The following PXDNL variants were observed in gnomAD, a reference collection of about 807,000 sequenced individuals.
PXDNL encodes the protein probable oxidoreductase PXDNL.
In PXDNL, 145 loss-of-function variants were observed where a neutral mutation model predicts 150.8. The ratio of observed to expected loss-of-function variants is 0.96; its 90% CI spans 0.84 to 1.10. PXDNL has a LOEUF of 1.10. Ranked by LOEUF, PXDNL falls within the 50% of genes least tolerant of loss-of-function variation. The probability of loss-of-function intolerance (pLI) is 0.00; values close to 1 mark genes in which losing one functional copy is unlikely to be tolerated. For synonymous variants in PXDNL, 757 were observed against 725.7 expected (o/e 1.04, Z -0.69); for missense variants, 2,087 against 1,873.9 (o/e 1.11, Z -2.10).
chr8:51,361,158 G>A (rs913486556), intron 19 of PXDNL, among the ~76,000 whole-genome samples: 4 of 152,144 alleles, frequency 2.6e-5, no homozygotes, highest in Non-Finnish European at 4.4e-5. Flanking sequence ...TTAGCTCTCT[G>A]AGTTTGAGCA....
intron 2 of PXDNL, among the ~76,000 whole-genome samples, chr8:51,618,866 G>C (rs759452119): frequency 6.6e-6 from 1 of 152,104 alleles, no homozygotes; most frequent in African/African-American, 2.4e-5. Context: ...AAAAAATGTC[G>C]GTGGTTCTTA....
intron 2 of PXDNL, among the ~76,000 whole-genome samples, chr8:51,648,383 T>C (rs1015866254): frequency 1.3e-5 from 2 of 152,206 alleles, no homozygotes; most frequent in African/African-American, 2.4e-5. Flanking sequence ...CTACAGACAC[T>C]GAATAGAAAG....
In PXDNL at chr8:51,693,380, G is replaced by A. The variant is rs574573762; in HGVS notation, c.165-38620C>T. Among the ~76,000 whole-genome samples the A allele has an allele frequency of 3.9e-5, 6 of 152,344 alleles. No individual in the cohort carries two copies. In the South Asian group the frequency reaches 1.2e-3, roughly 32 times the overall value. Reference sequence around the variant, plus strand: ...GCAATACAAGGTATTTATTTCATGAGAAACACTAGGTTTATGCTCTACATT... The same window carrying A: ...GCAATACAAGGTATTTATTTCATGAAAAACACTAGGTTTATGCTCTACATT... On this transcript the variant is annotated intron_variant, in intron 1 of 22. Transcript: ENST00000356297.
intron 2 of PXDNL, among the ~76,000 whole-genome samples, chr8:51,602,893 T>G (rs1346939244): frequency 6.6e-6 from 1 of 151,680 alleles, no homozygotes; most frequent in African/African-American, 2.4e-5. Context: ...CTTTATGGCT[T>G]TGGATTTTGT....
Position 51,420,492 on chromosome 8 carries a change from G to GA in PXDNL, c.1795+3082_1795+3083insT, listed in dbSNP as rs1808918709. On this transcript the variant is annotated intron_variant, in intron 14 of 22. Coordinates refer to ENST00000356297, the MANE Select transcript of PXDNL (RefSeq NM_144651.5). ...TTTCTAACATTATGAAATTTATTTG[G>GA]TATAAATTACTTTTCCCTCATATTG... Among the ~76,000 whole-genome samples, 3 of 151,662 alleles carry GA rather than the reference G, an allele frequency of 2.0e-5. No individual in the cohort carries two copies. The South Asian group carries it at 6.3e-4, about 32-fold the overall frequency.
chr8:51,766,901 C>A (rs949368251), intron 1 of PXDNL, among the ~76,000 whole-genome samples: 1 of 151,290 alleles, frequency 6.6e-6, no homozygotes, highest in South Asian at 2.1e-4. Flanking sequence ...ATATTCTTTC[C>A]GTCCCCTTCT....
At chr8:51,714,552 G>C (rs1193144919) in intron 1 of PXDNL, among the ~76,000 whole-genome samples, 1 of 152,100 alleles carries the variant, frequency 6.6e-6, no homozygotes, top group Non-Finnish European at 1.5e-5. Flanking sequence ...TAAATATGGA[G>C]ATTGTTAAAT....
rs1441431870 is a variant in PXDNL at position 51,408,558 on chromosome 8, C to A, written c.3066G>T (p.Leu1022=). 4 of 1,613,090 alleles carry A rather than the reference C, an allele frequency of 2.5e-6. No homozygotes were observed. The highest frequency in any genetic ancestry group is 1.3e-5 in the African/African-American group (1 of 75,064). Residue 1022 remains leucine, a synonymous_variant, in exon 17 of 23, where the codon CTG becomes CTT. Transcript: ENST00000356297. ...TCAGCATCCTAGTGCCAGGGTCCCC[C>A]AGGACCTTAGGCAGCCAGTGGCTGT... ...ITYSHWLPKV[L]GDPGTRMLRG...
intron 4 of PXDNL, among the ~76,000 whole-genome samples, chr8:51,501,277 C>G (rs926664804): frequency 4.7e-5 from 7 of 149,884 alleles, no homozygotes; most frequent in African/African-American, 1.7e-4. Flanking sequence ...TACACACACT[C>G]ACACTCACTA....
intron 3 of PXDNL, among the ~76,000 whole-genome samples, chr8:51,587,245 C>G (rs1436713505): frequency 6.6e-6 from 1 of 151,936 alleles, no homozygotes; most frequent in East Asian, 1.9e-4. Context: ...GTTGCTAAAT[C>G]AAAGAAAAGA....
chr8:51,430,571 C>T (rs1262210953), intron 12 of PXDNL, among the ~76,000 whole-genome samples: 1 of 152,196 alleles, frequency 6.6e-6, no homozygotes, highest in African/African-American at 2.4e-5. Context: ...TGGGTGGAAA[C>T]TTTTGCTACA....
intron 1 of PXDNL, among the ~76,000 whole-genome samples, chr8:51,751,571 G>A (rs775655791): frequency 6.6e-6 from 1 of 152,102 alleles, no homozygotes; most frequent in Non-Finnish European, 1.5e-5. Flanking sequence ...CCATAGATTC[G>A]AAAGGTCTCA....
At chr8:51,339,297 T>C (rs1805920463) in intron 21 of PXDNL, among the ~76,000 whole-genome samples, 1 of 152,104 alleles carries the variant, frequency 6.6e-6, no homozygotes, top group Non-Finnish European at 1.5e-5. Context: ...CCATCTCTAC[T>C]AAAAATACAA....
At chr8:51,564,440 G>A (rs78535286) in intron 3 of PXDNL, among the ~76,000 whole-genome samples, 1 of 151,694 alleles carries the variant, frequency 6.6e-6, no homozygotes, top group Non-Finnish European at 1.5e-5. Flanking sequence ...GTCACAGACG[G>A]TTGGTTCACA....
intron 1 of PXDNL, among the ~76,000 whole-genome samples, chr8:51,691,317 T>G (rs906532009): frequency 4.1e-4 from 63 of 152,322 alleles, no homozygotes; most frequent in Admixed American, 3.1e-3. Flanking sequence ...AACATTTAAG[T>G]CTTTAATCCA....
chr8:51,577,009 A>G (rs988378007), intron 3 of PXDNL, among the ~76,000 whole-genome samples: 23 of 152,106 alleles, frequency 1.5e-4, no homozygotes, highest in African/African-American at 5.5e-4. Flanking sequence ...GAACTTAAAC[A>G]TTCTTGAAAA....
chr8:51,368,063 G>C (rs1434740451), intron 19 of PXDNL, among the ~76,000 whole-genome samples: 1 of 152,164 alleles, frequency 6.6e-6, no homozygotes, highest in East Asian at 1.9e-4. Context: ...GGGAGGGAGA[G>C]GTTGCAGTGA....
chr8:51,420,381 TACAC>T (rs1490736619), intron 14 of PXDNL, among the ~76,000 whole-genome samples: 1 of 152,216 alleles, frequency 6.6e-6, no homozygotes, highest in African/African-American at 2.4e-5. Flanking sequence ...TATAAACACA[TACAC>T]ACTCCTTGTC....
chr8:51,794,047 C>T (rs910904059), intron 1 of PXDNL, among the ~76,000 whole-genome samples: 2 of 151,682 alleles, frequency 1.3e-5, no homozygotes, highest in Admixed American at 6.6e-5. Flanking sequence ...ACCGAATAGA[C>T]CAAGCAGAAG....
Sources: gnomAD v4.1 joint callset for allele counts (sites outside exome capture counted in the v4.1 genomes callset) on GRCh38, gnomAD v4.1.1 for gene constraint, MANE v1.5 for transcripts, NCBI Gene and HGNC (gene_info 2026-07-23, HGNC 2026-07-21) for gene names.